Variants in WWOX observed in about 807,000 individuals in gnomAD.
WWOX encodes WW domain containing oxidoreductase.
WWOX carries 69 observed loss-of-function variants against 46.2 expected under a neutral mutation model. That is an observed-to-expected ratio of 1.49 (90% CI 1.23 to 1.82). The LOEUF (loss-of-function observed/expected upper bound fraction) is 1.82. Among genes scored for constraint, WWOX ranks in the 40% most tolerant of loss-of-function variants. The pLI is 0.00. For missense variants in WWOX, 919 were observed against 542.6 expected, an observed-to-expected ratio of 1.69 and a Z score of -6.89; for synonymous variants, 359 against 202.6, an observed-to-expected ratio of 1.77 and a Z score of -6.56.
rs72799924 is a variant in WWOX at position 78,454,963 on chromosome 16, C to A, written c.1056+22211C>A. Among the ~76,000 whole-genome samples the A allele has an allele frequency of 2.6e-5, 4 of 152,138 alleles. No individual in the cohort carries two copies. The South Asian group carries it at 6.2e-4, about 24-fold the overall frequency. ...GATGTGCTCCCCTCTGATAAATGTT[C>A]ATTGAGTGCCCCACATGTCAGGTAC... is the stretch of plus-strand genomic sequence containing the variant. On this transcript the variant is annotated intron_variant, in intron 8 of 8. Coordinates refer to ENST00000566780, the MANE Select transcript of WWOX (RefSeq NM_016373.4).
chr16:79,091,235 AG>A (rs534412111), intron 8 of WWOX, among the ~76,000 whole-genome samples: 121 of 152,302 alleles, frequency 7.9e-4, no homozygotes, highest in African/African-American at 2.7e-3. Flanking sequence ...GAACAACAAA[AG>A]CAAAAACAAA....
intron 7 of WWOX, among the ~76,000 whole-genome samples, chr16:78,430,695 C>G (rs1003756940): frequency 6.6e-6 from 1 of 152,100 alleles, no homozygotes; most frequent in East Asian, 1.9e-4. Flanking sequence ...AAAAGGCAGC[C>G]AACAATTCGT....
At chr16:78,626,338 C>G (rs1217226663) in intron 8 of WWOX, among the ~76,000 whole-genome samples, 1 of 152,068 alleles carries the variant, frequency 6.6e-6, no homozygotes, top group Non-Finnish European at 1.5e-5. Flanking sequence ...GTCAGGTCTC[C>G]TTAGCATCTT....
chr16:78,188,187 A>G (rs1163929873), intron 5 of WWOX, among the ~76,000 whole-genome samples: 1 of 152,170 alleles, frequency 6.6e-6, no homozygotes, highest in African/African-American at 2.4e-5. Flanking sequence ...ACATCTGAAC[A>G]TAGAATAGAT....
intron 5 of WWOX, among the ~76,000 whole-genome samples, chr16:78,358,133 C>T (rs997258749): frequency 6.6e-6 from 1 of 152,122 alleles, no homozygotes; most frequent in Non-Finnish European, 1.5e-5. Flanking sequence ...TGTTTAATAA[C>T]ACAGAGAAAT....
At chr16:78,117,300 C>T (rs542400069) in intron 4 of WWOX, among the ~76,000 whole-genome samples, 15 of 152,160 alleles carry the variant, frequency 9.9e-5, no homozygotes, top group South Asian at 2.1e-4. Context: ...GGGAGACCAG[C>T]CTTTCCTATT....
intron 5 of WWOX, among the ~76,000 whole-genome samples, chr16:78,260,144 G>A (rs13329895): frequency 0.018 from 2,654 of 151,432 alleles, 124 homozygotes; most frequent in African/African-American, 0.058. Flanking sequence ...AGCCATCCTT[G>A]CTGTGCTGCA....
intron 8 of WWOX, among the ~76,000 whole-genome samples, chr16:78,979,146 T>G (rs932551270): frequency 6.6e-6 from 1 of 151,830 alleles, no homozygotes; most frequent in African/African-American, 2.4e-5. Context: ...GAATATCACT[T>G]GGGTCTTATC....
At chr16:78,360,768 G>GA (rs2081392142) in intron 5 of WWOX, among the ~76,000 whole-genome samples, 1 of 151,772 alleles carries the variant, frequency 6.6e-6, no homozygotes, top group African/African-American at 2.4e-5. Flanking sequence ...TTTATTCCAG[G>GA]ATCTAGTCCA....
At chr16:79,083,611 C>G (rs2048801651) in intron 8 of WWOX, among the ~76,000 whole-genome samples, 4 of 152,328 alleles carry the variant, frequency 2.6e-5, no homozygotes, top group African/African-American at 9.6e-5. Flanking sequence ...AAATGCATTA[C>G]AGGCTCTAAT....
chr16:78,339,341 G>T (rs1179047377), intron 5 of WWOX, among the ~76,000 whole-genome samples: 2 of 101,492 alleles, frequency 2.0e-5, no homozygotes, highest in Admixed American at 1.0e-4. Flanking sequence ...TCATGTGATT[G>T]TCTAAATCTC....
chr16:78,535,882 A>T (rs1037721854), intron 8 of WWOX, among the ~76,000 whole-genome samples: 4 of 151,928 alleles, frequency 2.6e-5, no homozygotes, highest in African/African-American at 7.2e-5. Flanking sequence ...TCTTGGACTC[A>T]TTTTCCTCGG....
chr16:78,398,638 G>A lies in WWOX; in HGVS notation c.605+11690G>A, dbSNP rs191568602. On this transcript the variant is annotated intron_variant, in intron 6 of 8. Coordinates refer to ENST00000566780, the MANE Select transcript of WWOX (RefSeq NM_016373.4). Reference sequence around the variant, plus strand: ...TATTGATTTTACTTCATTAAACTGAGCTCCAGAGGAGCAGAAACTTTGGCT... The same window carrying A: ...TATTGATTTTACTTCATTAAACTGAACTCCAGAGGAGCAGAAACTTTGGCT... Among the ~76,000 whole-genome samples, 69 of 152,268 alleles carry A rather than the reference G, an allele frequency of 4.5e-4. No homozygotes were observed. The East Asian group carries it at 0.012, about 26-fold the overall frequency.
intron 8 of WWOX, among the ~76,000 whole-genome samples, chr16:78,531,913 A>T (rs12445844): frequency 0.014 from 2,164 of 152,212 alleles, 23 homozygotes; most frequent in African/African-American, 0.027. Context: ...AACTACAATA[A>T]CTTTTTCAGT....
At chr16:78,859,631 A>C (rs1014225393) in intron 8 of WWOX, among the ~76,000 whole-genome samples, 4 of 152,170 alleles carry the variant, frequency 2.6e-5, no homozygotes, top group African/African-American at 9.7e-5. Flanking sequence ...TCAGTCCCTA[A>C]AACTCATGAT....
intron 8 of WWOX, among the ~76,000 whole-genome samples, chr16:78,938,413 G>C (rs1597177571): frequency 6.6e-6 from 1 of 152,038 alleles, no homozygotes; most frequent in Admixed American, 6.6e-5. Flanking sequence ...CCCAGACACA[G>C]AGAGCTTGAG....
At chr16:78,898,718 G>C (rs2044757437) in intron 8 of WWOX, 1 of 152,104 alleles carries the variant, frequency 6.6e-6, no homozygotes, top group African/African-American at 2.4e-5. Context: ...TCAAAATCCT[G>C]AAAGTGTTAA....
intron 8 of WWOX, among the ~76,000 whole-genome samples, chr16:78,986,119 G>A (rs1193293616): frequency 6.6e-6 from 1 of 152,216 alleles, no homozygotes; most frequent in Non-Finnish European, 1.5e-5. Flanking sequence ...AGACATTTAT[G>A]GAGTCAGGAG....
intron 8 of WWOX, among the ~76,000 whole-genome samples, chr16:78,554,460 T>G (rs16948075): frequency 0.022 from 3,355 of 152,300 alleles, 139 homozygotes; most frequent in African/African-American, 0.077. Flanking sequence ...AAAACAGTTC[T>G]GGCTGATGGG....
Sources: allele counts gnomAD v4.1 joint callset (sites outside exome capture counted in the v4.1 genomes callset), GRCh38; gene constraint gnomAD v4.1.1; transcripts MANE v1.5; gene names NCBI Gene and HGNC (gene_info 2026-07-23, HGNC 2026-07-21).